The following PIP5K1B variants were observed in gnomAD, a reference collection of about 807,000 sequenced individuals.
PIP5K1B encodes the protein phosphatidylinositol-4-phosphate 5-kinase type 1 beta.
Under a neutral mutation model 67.0 loss-of-function variants are expected in PIP5K1B, and 42 were observed. The observed-to-expected ratio is 0.63, with a 90% CI of 0.49 to 0.81. The LOEUF (loss-of-function observed/expected upper bound fraction) is 0.81. Among genes scored for constraint, PIP5K1B ranks in the 30% least tolerant of loss-of-function variants. The pLI is 0.00. For missense variants in PIP5K1B, 459 were observed against 646.3 expected (o/e 0.71, Z 3.14); for synonymous variants, 214 against 231.4 (o/e 0.92, Z 0.68).
At chr9:68,954,791 T>C (rs1163113915) in intron 14 of PIP5K1B, among the ~76,000 whole-genome samples, 2 of 152,204 alleles carry the variant, frequency 1.3e-5, no homozygotes, top group African/African-American at 4.8e-5. Flanking sequence ...CTCCTCTACA[T>C]GTGGGAACAA....
chr9:68,733,127 T>C (rs1442383347), intron 1 of PIP5K1B, among the ~76,000 whole-genome samples: 11 of 152,168 alleles, frequency 7.2e-5, no homozygotes, highest in Admixed American at 7.2e-4. Context: ...TGGTAACTTA[T>C]TTTTAGAAGT....
At chr9:68,885,789 A>G (rs1201869379) in intron 6 of PIP5K1B, among the ~76,000 whole-genome samples, 2 of 152,198 alleles carry the variant, frequency 1.3e-5, no homozygotes, top group Non-Finnish European at 2.9e-5. Context: ...CCACTATACA[A>G]TTAATCCATG....
intron 2 of PIP5K1B, among the ~76,000 whole-genome samples, chr9:68,813,122 T>G (rs1406704645): frequency 1.3e-5 from 2 of 152,156 alleles, no homozygotes; most frequent in African/African-American, 4.8e-5. Context: ...TATTCCTACA[T>G]AAGTGCAAAA....
chr9:68,884,348 A>T, intron 6 of PIP5K1B, among the ~76,000 whole-genome samples: 1 of 147,912 alleles, frequency 6.8e-6, no homozygotes, highest in East Asian at 2.0e-4. Flanking sequence ...ACCTAACTAT[A>T]CATTCCTCAA....
At chr9:68,981,314 A>G (rs1829870850) in intron 14 of PIP5K1B, among the ~76,000 whole-genome samples, 1 of 152,212 alleles carries the variant, frequency 6.6e-6, no homozygotes, top group African/African-American at 2.4e-5. Flanking sequence ...AAGAAGACAC[A>G]GGGTAGAAGA....
intron 1 of PIP5K1B, among the ~76,000 whole-genome samples, chr9:68,716,522 C>T (rs1827641185): frequency 6.6e-6 from 1 of 152,106 alleles, no homozygotes; most frequent in South Asian, 2.1e-4. Flanking sequence ...CAAATCAAAA[C>T]CACAATGAGA....
chr9:68,775,556 T>C (rs78630993), intron 2 of PIP5K1B, among the ~76,000 whole-genome samples: 1 of 152,212 alleles, frequency 6.6e-6, no homozygotes, highest in African/African-American at 2.4e-5. Context: ...GTTGTAGGGA[T>C]GATTCATGTC....
At chr9:68,981,361 C>A (rs1716368455) in intron 14 of PIP5K1B, among the ~76,000 whole-genome samples, 1 of 151,754 alleles carries the variant, frequency 6.6e-6, no homozygotes, top group Non-Finnish European at 1.5e-5. Context: ...ATGGATGCTA[C>A]CTTAGGTTAA....
chr9:68,995,128 A>G (rs960147669), intron 15 of PIP5K1B, among the ~76,000 whole-genome samples: 4 of 148,716 alleles, frequency 2.7e-5, no homozygotes, highest in African/African-American at 4.9e-5. Context: ...TAGGCAATGG[A>G]GTGAGACATG....
chr9:68,709,303 C>A (rs905598795), intron 1 of PIP5K1B, among the ~76,000 whole-genome samples: 3 of 151,722 alleles, frequency 2.0e-5, no homozygotes, highest in African/African-American at 7.3e-5. Flanking sequence ...GTGCAGTGGC[C>A]CAACTCCAGC....
At chr9:68,775,352 C>A (rs746633804) in intron 2 of PIP5K1B, among the ~76,000 whole-genome samples, 5 of 152,146 alleles carry the variant, frequency 3.3e-5, no homozygotes, top group Non-Finnish European at 5.9e-5. Flanking sequence ...TTCACCTTTT[C>A]ACTTAGAGGA....
At chr9:68,789,103 T>C in intron 2 of PIP5K1B, 1 of 558,064 alleles carries the variant, frequency 1.8e-6, no homozygotes, top group South Asian at 1.6e-5. Flanking sequence ...ATGGCATCAA[T>C]CTCTTCAATC....
chr9:68,971,724 T>C (rs1386869231), intron 14 of PIP5K1B, among the ~76,000 whole-genome samples: 1 of 152,284 alleles, frequency 6.6e-6, no homozygotes, highest in Non-Finnish European at 1.5e-5. Context: ...GTGGTTTTGA[T>C]TTGCATTTCT....
At chr9:68,889,988 A>G (rs144695643) in intron 7 of PIP5K1B, among the ~76,000 whole-genome samples, 1 of 152,184 alleles carries the variant, frequency 6.6e-6, no homozygotes, top group African/African-American at 2.4e-5. Context: ...TACAATTATC[A>G]CCTTTTTATA....
chr9:68,978,610 G>A (rs2132873891), intron 14 of PIP5K1B, among the ~76,000 whole-genome samples: 1 of 152,282 alleles, frequency 6.6e-6, no homozygotes, highest in Admixed American at 6.5e-5. Context: ...TTTAAGCCCA[G>A]CACTTGGAAT....
intron 14 of PIP5K1B, among the ~76,000 whole-genome samples, chr9:68,985,556 G>T (rs28429307): frequency 0.016 from 2,411 of 152,264 alleles, 57 homozygotes; most frequent in African/African-American, 0.052. Flanking sequence ...CTGGCCAACA[G>T]ATCTCTTCTT....
chr9:68,722,537 T>C (rs949650542), intron 1 of PIP5K1B, among the ~76,000 whole-genome samples: 1 of 152,114 alleles, frequency 6.6e-6, no homozygotes, highest in Non-Finnish European at 1.5e-5. Flanking sequence ...TTCTATACTC[T>C]AGCTGCTCCT....
At chr9:68,732,515 C>T (rs982543925) in intron 1 of PIP5K1B, among the ~76,000 whole-genome samples, 2 of 152,186 alleles carry the variant, frequency 1.3e-5, no homozygotes, top group African/African-American at 4.8e-5. Context: ...GTTTTAGAGT[C>T]TTCATCTATA....
intron 14 of PIP5K1B, among the ~76,000 whole-genome samples, chr9:68,982,315 A>G: frequency 6.6e-6 from 1 of 152,258 alleles, no homozygotes; most frequent in East Asian, 1.9e-4. Context: ...TTAGAAATTG[A>G]TTCTAAATAG....
Sources: allele counts gnomAD v4.1 joint callset (sites outside exome capture counted in the v4.1 genomes callset), GRCh38; gene constraint gnomAD v4.1.1; transcripts MANE v1.5; gene names NCBI Gene and HGNC (gene_info 2026-07-23, HGNC 2026-07-21).